The following TEX9 variants were observed in gnomAD, a reference collection of about 807,000 sequenced individuals.
TEX9 encodes the protein testis expressed 9, also known as testis-expressed protein 9.
A neutral mutation model predicts 59.6 loss-of-function variants in TEX9; 74 were observed. That is an observed-to-expected ratio of 1.24 (90% CI 1.03 to 1.51). The LOEUF is 1.51. Among genes scored for constraint, TEX9 ranks in the 40% most tolerant of loss-of-function variants. TEX9 has a pLI of 0.00. For missense variants in TEX9, 522 were observed against 447.8 expected (o/e 1.17, Z -1.49); for synonymous variants, 186 against 152.2 (o/e 1.22, Z -1.64).
At position 56,274,208 on chromosome 15, in the gene TEX9, T is replaced by A. The variant is rs537603404; in HGVS notation, c.-107+29930T>A. 5.3e-5 allele frequency among the ~76,000 whole-genome samples: 8 copies of A among 152,354 alleles called. No homozygotes were observed. In the South Asian group the frequency reaches 1.7e-3, roughly 32 times the overall value. On this transcript the variant is annotated intron_variant, in intron 1 of 5. Transcript: ENST00000560827. ...TTTTCTTTTTGTCCTTCAATTTGGA[T>A]AATTTCTATTGACCTACATTCAATT...
intron 12 of TEX9, chr15:56,443,467 T>C: frequency 1.3e-6 from 2 of 1,595,018 alleles, no homozygotes; most frequent in Admixed American, 3.6e-5. Flanking sequence ...TTGTTCTTCC[T>C]GGTATAATTC....
At chr15:56,380,681 G>T (rs1326858236) in intron 3 of TEX9, among the ~76,000 whole-genome samples, 3 of 152,062 alleles carry the variant, frequency 2.0e-5, no homozygotes, top group South Asian at 4.2e-4. Flanking sequence ...ATTTTTGCTG[G>T]ATATACTATT....
At chr15:56,442,647 CA>C (rs1184774450) in intron 12 of TEX9, among the ~76,000 whole-genome samples, 1 of 152,110 alleles carries the variant, frequency 6.6e-6, no homozygotes, top group Non-Finnish European at 1.5e-5. Flanking sequence ...GATAGAAAAC[CA>C]AATACTACAT....
chr15:56,405,354 A>C (rs944737930), intron 9 of TEX9, among the ~76,000 whole-genome samples: 1 of 151,968 alleles, frequency 6.6e-6, no homozygotes, highest in Non-Finnish European at 1.5e-5. Context: ...TGGTTAAGCA[A>C]ATTACCCAAG....
chr15:56,401,928 A>G (rs572810972), intron 9 of TEX9, among the ~76,000 whole-genome samples: 1 of 152,332 alleles, frequency 6.6e-6, no homozygotes, highest in Admixed American at 6.5e-5. Flanking sequence ...TTTCTTTGAA[A>G]CCAATGAGAA....
At chr15:56,334,796 A>C (rs1269676917) in intron 1 of TEX9, among the ~76,000 whole-genome samples, 2 of 152,212 alleles carry the variant, frequency 1.3e-5, no homozygotes, top group African/African-American at 4.8e-5. Flanking sequence ...GAGCTCAAAC[A>C]ACTCCATAGG....
chr15:56,378,406 G>A (rs1861399005), intron 3 of TEX9, among the ~76,000 whole-genome samples: 1 of 150,882 alleles, frequency 6.6e-6, no homozygotes, highest in Non-Finnish European at 1.5e-5. Flanking sequence ...ACTTATTATT[G>A]TTCTGTTTAG....
Position 56,256,008 on chromosome 15 carries a change from GAAAT to G in TEX9, c.-107+11734_-107+11737del, listed in dbSNP as rs1468657765. Among the ~76,000 whole-genome samples the G allele has an allele frequency of 2.6e-5, 4 of 151,660 alleles. No individual in the cohort carries two copies. The East Asian group carries it at 7.8e-4, about 29-fold the overall frequency. On this transcript the variant is annotated intron_variant, in intron 1 of 5. Coordinates refer to the TEX9 transcript ENST00000560827. ...TCATTCAGGTTACATTTTTTATACT[GAAAT>G]AAAAGTTGTAATTAATAAGCAAATT...
intron 10 of TEX9, among the ~76,000 whole-genome samples, chr15:56,414,703 T>C (rs765398633): frequency 1.3e-5 from 2 of 151,752 alleles, no homozygotes; most frequent in Non-Finnish European, 2.9e-5. Flanking sequence ...CAGTGAACAT[T>C]TGTGTGCATG....
At chr15:56,313,457 AT>A (rs1201281109) in intron 1 of TEX9, among the ~76,000 whole-genome samples, 1 of 145,602 alleles carries the variant, frequency 6.9e-6, no homozygotes, top group Non-Finnish European at 1.5e-5. Context: ...ACATTTATTG[AT>A]TTGCGTATAT....
intron 2 of TEX9, among the ~76,000 whole-genome samples, chr15:56,367,104 A>T (rs1324719344): frequency 1.3e-5 from 2 of 152,228 alleles, no homozygotes; most frequent in African/African-American, 4.8e-5. Flanking sequence ...TTAGGGATAC[A>T]GTCCTGCTTA....
downstream of TEX9, among the ~76,000 whole-genome samples, chr15:56,450,114 AGTTT>A: frequency 6.6e-6 from 1 of 152,268 alleles, no homozygotes; most frequent in Middle Eastern, 3.4e-3. Flanking sequence ...GAGAATTTGC[AGTTT>A]GTTTTCTAGT....
chr15:56,381,392 T>G (rs915073757), intron 3 of TEX9, among the ~76,000 whole-genome samples: 2 of 152,200 alleles, frequency 1.3e-5, no homozygotes, highest in African/African-American at 4.8e-5. Context: ...TTTTCCAGGA[T>G]TGGTCTCTGG....
intron 12 of TEX9, chr15:56,434,532 T>C: frequency 4.2e-6 from 4 of 947,252 alleles, no homozygotes; most frequent in Non-Finnish European, 6.1e-6. Context: ...CTTTTCATGA[T>C]AACTTTGTCC....
chr15:56,408,488 T>C (rs2049185895), intron 9 of TEX9: 1 of 152,264 alleles, frequency 6.6e-6, no homozygotes, highest in African/African-American at 2.4e-5. Context: ...TTCAGTTCCA[T>C]GGCTTTATAT....
At chr15:56,394,989 A>G in intron 9 of TEX9, 155 bp downstream of exon 9, 1 of 730,358 alleles carries the variant, frequency 1.4e-6, no homozygotes, top group Non-Finnish European at 2.2e-6. Context: ...TAACAACTTT[A>G]TTGAGATGTA....
At chr15:56,311,138 AATTTCTTTTTTTTTTT>A (rs1185356130) in intron 1 of TEX9, among the ~76,000 whole-genome samples, 6 of 34,182 alleles carry the variant, frequency 1.8e-4, no homozygotes, top group Middle Eastern at 0.01. Context: ...TTTTTTTTTT[AATTTCTTTTTTTTTTT>A]AATTATACTT....
intron 4 of TEX9, among the ~76,000 whole-genome samples, chr15:56,387,017 C>CA (rs34552836): frequency 4.0e-5 from 6 of 151,606 alleles, no homozygotes; most frequent in African/African-American, 1.5e-4. Flanking sequence ...ATGACTCTGT[C>CA]AAAAAATGTG....
At chr15:56,413,983 T>C (rs2049537441) in intron 10 of TEX9, among the ~76,000 whole-genome samples, 1 of 151,824 alleles carries the variant, frequency 6.6e-6, no homozygotes, top group South Asian at 2.1e-4. Flanking sequence ...GATTTATTAA[T>C]AGAAGTTATT....
Sources: allele counts gnomAD v4.1 joint callset (sites outside exome capture counted in the v4.1 genomes callset), GRCh38; gene constraint gnomAD v4.1.1; transcripts MANE v1.5; gene names NCBI Gene and HGNC (gene_info 2026-07-23, HGNC 2026-07-21).